KIAA1755: variants seen among roughly 807,000 people sequenced by gnomAD.
KIAA1755 encodes the protein uncharacterized protein KIAA1755.
Under a neutral mutation model 91.7 loss-of-function variants are expected in KIAA1755, and 68 were observed. The ratio of observed to expected loss-of-function variants is 0.74; its 90% CI spans 0.61 to 0.91. The LOEUF (loss-of-function observed/expected upper bound fraction) is 0.91. Among genes scored for constraint, KIAA1755 ranks in the 40% least tolerant of loss-of-function variants. The pLI is 0.00. For synonymous variants in KIAA1755, 610 were observed against 604.6 expected (o/e 1.01, Z -0.13); for missense variants, 1,535 against 1,494.4 (o/e 1.03, Z -0.45).
chr20:38,213,816 G>T, intron 13 of KIAA1755, 73 bp from the exon 14 acceptor site: 1 of 1,097,610 alleles, frequency 9.1e-7, no homozygotes, highest in Non-Finnish European at 1.3e-6. Context: ...ATTAATAAGT[G>T]CCCAATGCCA....
chr20:38,232,536 G>A (rs2075886454), intron 4 of KIAA1755, among the ~76,000 whole-genome samples: 1 of 151,610 alleles, frequency 6.6e-6, no homozygotes, highest in Non-Finnish European at 1.5e-5. Context: ...GCTGAGGCAT[G>A]AGAATGGCGT....
chr20:38,214,050 C>G (rs1402024113), intron 13 of KIAA1755, among the ~76,000 whole-genome samples: 12 of 151,366 alleles, frequency 7.9e-5, no homozygotes. Flanking sequence ...TTCCCAGGTT[C>G]AAACAATTCT....
intron 4 of KIAA1755, among the ~76,000 whole-genome samples, chr20:38,232,421 T>C (rs1191289482): frequency 6.6e-6 from 1 of 151,376 alleles, no homozygotes; most frequent in Non-Finnish European, 1.5e-5. Flanking sequence ...GGTCAGGAGA[T>C]CGACACCATC....
chr20:38,248,399 CT>C (rs1477667267), intron 1 of KIAA1755, among the ~76,000 whole-genome samples: 2 of 152,108 alleles, frequency 1.3e-5, no homozygotes, highest in African/African-American at 2.4e-5. Flanking sequence ...AGAAATAGCC[CT>C]GCCAAGACTT....
At chr20:38,230,468 C>T (rs575028035) in intron 5 of KIAA1755, among the ~76,000 whole-genome samples, 6 of 152,276 alleles carry the variant, frequency 3.9e-5, no homozygotes, top group South Asian at 2.1e-4. Context: ...CTGTTATCAC[C>T]GGGAAATTTG....
In KIAA1755 at chr20:38,240,685, G is replaced by A; in HGVS notation, c.1446C>T (p.Pro482=). 3 of 1,556,678 alleles carry A rather than the reference G, an allele frequency of 1.9e-6. No individual in the cohort carries two copies. Among genetic ancestry groups the A allele is most frequent in the Non-Finnish European group, 2.6e-6 (3 of 1,153,010 alleles). The part of the protein sequence containing the change: ...KFSFLRGQRQ[P]SVTPEKASLQ... ...GTGAGGCTTTCTCCGGGGTCACAGA[G>A]GGTTGCCTCTGCCCTCTCAAGAATG... Residue 482 remains proline, a synonymous_variant, in exon 3 of 14, where the codon CCC becomes CCT. Transcript: ENST00000279024.
intron 1 of KIAA1755, among the ~76,000 whole-genome samples, chr20:38,250,858 C>T (rs1382378413): frequency 6.6e-6 from 1 of 151,816 alleles, no homozygotes; most frequent in African/African-American, 2.4e-5. Context: ...TTACCAGGCA[C>T]ATGTGGGGGC....
chr20:38,223,663 G>A (rs1330655402), intron 8 of KIAA1755, 27 bp from the exon 9 acceptor site: 1 of 1,583,624 alleles, frequency 6.3e-7, no homozygotes, highest in African/African-American at 1.4e-5. Context: ...CAAAGGGCAG[G>A]TGTCAGCCCA....
chr20:38,239,369 C>G (rs1205432), intron 4 of KIAA1755, among the ~76,000 whole-genome samples, 159 bp downstream of exon 4: 44,774 of 152,158 alleles, frequency 0.29, 6,795 homozygotes, highest in Middle Eastern at 0.47. Flanking sequence ...TATTCCAATT[C>G]TCCCATGGGA....
chr20:38,233,196 G>A (rs953714195), intron 4 of KIAA1755: 3 of 152,140 alleles, frequency 2.0e-5, no homozygotes, highest in African/African-American at 7.2e-5. Context: ...AAGTATTTAG[G>A]TGATAGAATA....
chr20:38,233,998 G>A (rs1345886112), intron 4 of KIAA1755, among the ~76,000 whole-genome samples: 2 of 152,090 alleles, frequency 1.3e-5, no homozygotes, highest in Non-Finnish European at 2.9e-5. Context: ...GGACACAGAG[G>A]GAAGACCCCA....
rs940321355 is a variant in KIAA1755 at position 38,214,163 on chromosome 20, C to A, written c.2902-420G>T. Among the ~76,000 whole-genome samples the A allele has an allele frequency of 5.3e-5, 8 of 152,098 alleles. No individual in the cohort carries two copies. The East Asian group carries it at 9.7e-4, about 18-fold the overall frequency. ...ACGGGGTTTCACCTTGTTGGTCAGGCTGGTCTCGAACTCCTGACCTCAGGT... is the reference window on the plus strand; with the variant it reads ...ACGGGGTTTCACCTTGTTGGTCAGGATGGTCTCGAACTCCTGACCTCAGGT... On this transcript the variant is annotated intron_variant, in intron 13 of 13. Coordinates refer to ENST00000279024, the MANE Select transcript of KIAA1755 (RefSeq NM_001029864.2).
chr20:38,228,142 C>T lies in KIAA1755; in HGVS notation c.1965+5G>A. ...CTAGGCTAAGGCTCTCCACCTCCCA[C>T]TCACCTGGGTGGCCTGCAGGGCGCT... On this transcript the variant is annotated splice_donor_5th_base_variant and intron_variant, in intron 6 of 13. Coordinates refer to ENST00000279024, the MANE Select transcript of KIAA1755 (RefSeq NM_001029864.2). The T allele has an allele frequency of 6.3e-7, 1 of 1,590,616 alleles. No individual in the cohort carries two copies. Among genetic ancestry groups the T allele is most frequent in the South Asian group, 1.2e-5 (1 of 86,400 alleles).
chr20:38,241,642 G>A lies in KIAA1755; in HGVS notation c.489C>T (p.His163=), dbSNP rs1311911333. ...CATTTTCTGATGCTACCAAGCAGTT[G>A]TGTAGGGGATTTCCCTCAAAGTCAC... ...INSDFEGNPL[H]NCLVASENGI... Residue 163 remains histidine (H), a synonymous_variant, in exon 3 of 14, where the codon CAC becomes CAT. Coordinates refer to ENST00000279024, the MANE Select transcript of KIAA1755 (RefSeq NM_001029864.2). 1.9e-6 allele frequency: 3 copies of A among 1,614,132 alleles called. No homozygotes were observed. Among genetic ancestry groups the A allele is most frequent in the South Asian group, 1.1e-5 (1 of 91,088 alleles).
chr20:38,243,969 A>G (rs1263785353), intron 2 of KIAA1755, among the ~76,000 whole-genome samples: 2 of 152,170 alleles, frequency 1.3e-5, no homozygotes, highest in African/African-American at 4.8e-5. Flanking sequence ...GGTGGCATGG[A>G]TCTCCAAAGT....
Position 38,216,964 on chromosome 20 carries a change from T to A in KIAA1755, c.2901+289A>T, listed in dbSNP as rs188947890. The A allele has an allele frequency of 9.5e-4, 620 of 651,158 alleles. 3 individuals carry two copies. Among genetic ancestry groups the A allele is most frequent in the Admixed American group, 1.6e-3 (76 of 48,226 alleles). 40.3% of individuals were successfully genotyped at this position (651,158 alleles called of 1,614,324 possible). A position where few individuals can be genotyped will look rare whatever the true frequency, so the allele number is the denominator to read the frequency against. On this transcript the variant is annotated intron_variant, in intron 13 of 13. Transcript: ENST00000279024. ...TACCACAGACACATCTATGTTCAAA[T>A]CTCAGCTCTTCCCCTTCCTCTGTTT...
At chr20:38,225,925 C>T in intron 7 of KIAA1755, 144 bp from the exon 8 acceptor site, 1 of 545,490 alleles carries the variant, frequency 1.8e-6, no homozygotes, top group Non-Finnish European at 3.2e-6. Flanking sequence ...TTGCCAGCAA[C>T]CAATCTTCTC....
rs933955871 is a variant in KIAA1755 at position 38,218,276 on chromosome 20, C to T, written c.2647G>A (p.Ala883Thr). ...GSLETVEKAH[A>T]EFENFFLQAA... ...TGGAGGAAGAAGTTCTCAAATTCTG[C>T]GTGGGCTTTCTCCACTGTCTCCAAA... Residue 883 changes from alanine (A) to threonine (T), a missense_variant, in exon 12 of 14, where the codon GCA (alanine) becomes ACA (threonine). Physicochemically the swap from Ala to Thr is moderately conservative, Grantham distance 58. Coordinates refer to ENST00000279024, the MANE Select transcript of KIAA1755 (RefSeq NM_001029864.2). 9 of 1,614,102 alleles carry T rather than the reference C, an allele frequency of 5.6e-6. No homozygotes were observed. The highest frequency in any genetic ancestry group is 1.3e-5 in the African/African-American group (1 of 74,940).
Position 38,260,580 on chromosome 20 carries a change from G to T in KIAA1755, c.-80C>A. ...GTGGGTCCGCGGGTCCGTCTGTCTG[G>T]GGCAGCCCTCGGTCCCGCCTAGCCC... is the stretch of plus-strand genomic sequence containing the variant. On this transcript the variant is annotated 5_prime_UTR_variant, in exon 1 of 14. Transcript: ENST00000279024. 6.1e-6 allele frequency: 9 copies of T among 1,467,798 alleles called. No individual in the cohort carries two copies. The highest frequency in any genetic ancestry group is 8.1e-6 in the Non-Finnish European group (9 of 1,111,626). The allele number at this position is 1,467,798 out of a possible 1,614,324, so 90.9% of individuals were successfully genotyped here.
Sources: gnomAD v4.1 joint callset for allele counts (sites outside exome capture counted in the v4.1 genomes callset) on GRCh38, gnomAD v4.1.1 for gene constraint, MANE v1.5 for transcripts, NCBI Gene and HGNC (gene_info 2026-07-23, HGNC 2026-07-21) for gene names.